ARHGAP20: variants seen among roughly 807,000 people sequenced by gnomAD.
ARHGAP20 encodes the protein Rho GTPase activating protein 20, also known as rho GTPase-activating protein 20.
ARHGAP20 carries 34 observed loss-of-function variants against 73.7 expected under a neutral mutation model. That is an observed-to-expected ratio of 0.46 (90% CI 0.35 to 0.61). ARHGAP20 has a LOEUF of 0.61. ARHGAP20 is among the 20% of genes least tolerant of loss of function. The pLI is 0.00. For synonymous variants in ARHGAP20, 523 were observed against 518.2 expected (o/e 1.01, Z -0.13); for missense variants, 1,314 against 1,420.9 (o/e 0.92, Z 1.21).
At chr11:110,661,061 C>T (rs1197046278) in intron 2 of ARHGAP20, among the ~76,000 whole-genome samples, 1 of 152,180 alleles carries the variant, frequency 6.6e-6, no homozygotes, top group African/African-American at 2.4e-5. Flanking sequence ...CATTGTCAAA[C>T]CAGTAGTTTC....
Position 110,582,384 on chromosome 11 carries a change from C to G in ARHGAP20, c.1657G>C (p.Glu553Gln). 1.2e-6 allele frequency: 2 copies of G among 1,614,004 alleles called. No homozygotes were observed. The highest frequency in any genetic ancestry group is 1.7e-6 in the Non-Finnish European group (2 of 1,179,878). The change falls in exon 14 of 15, where the codon GAA becomes CAA. Residue 553 changes from glutamate to glutamine, a missense_variant. By Grantham distance (29) the Glu-to-Gln change is conservative (BLOSUM62 2). Coordinates refer to ENST00000683387, the MANE Select transcript of ARHGAP20 (RefSeq NM_001384657.1). Reference protein sequence around the residue: ...LIENCLRIFGEEITSLFREVS... With the variant: ...LIENCLRIFGQEITSLFREVS... ...TCTCTGAAGAGGGAAGTGATTTCTT[C>G]TCCAAATATCCTAAGGCAATTCTCA...
At chr11:110,707,262 T>C (rs1214240792) in intron 1 of ARHGAP20, among the ~76,000 whole-genome samples, 2 of 152,312 alleles carry the variant, frequency 1.3e-5, no homozygotes, top group Non-Finnish European at 2.9e-5. Context: ...TATTTGAGTC[T>C]GATACAAATC....
chr11:110,700,021 A>G (rs557417641), intron 1 of ARHGAP20, among the ~76,000 whole-genome samples: 4 of 152,202 alleles, frequency 2.6e-5, no homozygotes, highest in African/African-American at 9.6e-5. Context: ...AAAAACCTGT[A>G]TGTAGGCTCT....
chr11:110,629,819 C>T (rs892655310), intron 3 of ARHGAP20, among the ~76,000 whole-genome samples: 2 of 152,198 alleles, frequency 1.3e-5, no homozygotes, highest in Non-Finnish European at 1.5e-5. Context: ...TCCAGGTGAG[C>T]TTTGAGATAA....
At chr11:110,687,796 T>C (rs1397241920) in intron 2 of ARHGAP20, among the ~76,000 whole-genome samples, 2 of 152,160 alleles carry the variant, frequency 1.3e-5, no homozygotes, top group East Asian at 3.9e-4. Context: ...AAGTACATGC[T>C]CAGACATGAT....
intron 13 of ARHGAP20, among the ~76,000 whole-genome samples, chr11:110,583,259 A>G (rs1172635148): frequency 6.6e-6 from 1 of 152,186 alleles, no homozygotes; most frequent in Non-Finnish European, 1.5e-5. Flanking sequence ...TAGCTGTCCT[A>G]GTTCCAAAGT....
chr11:110,625,014 T>A lies in ARHGAP20; in HGVS notation c.354-703A>T, dbSNP rs539670454. Among the ~76,000 whole-genome samples, 48 of 128,174 alleles carry A rather than the reference T, an allele frequency of 3.7e-4. No homozygotes were observed. The South Asian group carries it at 6.0e-3, about 16-fold the overall frequency. The allele number at this position is 128,174 out of a possible 152,430, so 84.1% of individuals were successfully genotyped here. A position where few individuals can be genotyped will look rare whatever the true frequency, so the allele number is the denominator to read the frequency against. Reference sequence around the variant, plus strand: ...ACAGAAAATACACAGGATTTATTTTTTTTTTATTTTTATTTTTATTTTTTT... The same window carrying A: ...ACAGAAAATACACAGGATTTATTTTATTTTTATTTTTATTTTTATTTTTTT... On this transcript the variant is annotated intron_variant, in intron 3 of 14. Coordinates refer to ENST00000683387, the MANE Select transcript of ARHGAP20 (RefSeq NM_001384657.1).
At chr11:110,672,533 C>T (rs1374555401) in intron 2 of ARHGAP20, among the ~76,000 whole-genome samples, 1 of 152,010 alleles carries the variant, frequency 6.6e-6, no homozygotes, top group African/African-American at 2.4e-5. Flanking sequence ...CAACCTCCGC[C>T]CCTCATGTTC....
Position 110,712,244 on chromosome 11 carries a change from C to A in ARHGAP20, c.-13G>T. 7.5e-7 allele frequency: 1 copy of A among 1,332,012 alleles called. No homozygotes were observed. Among genetic ancestry groups the A allele is most frequent in the Non-Finnish European group, 9.7e-7 (1 of 1,032,412 alleles). 82.5% of individuals were successfully genotyped at this position (1,332,012 alleles called of 1,614,324 possible). ...ACATCGCTTCCATGAAGAAAATCTT[C>A]AAACAAATCCCAGCCCAGGAGGAGG... On this transcript the variant is annotated 5_prime_UTR_variant, in exon 1 of 15. Coordinates refer to ENST00000683387, the MANE Select transcript of ARHGAP20 (RefSeq NM_001384657.1).
chr11:110,671,925 T>C (rs1949836405), intron 2 of ARHGAP20, among the ~76,000 whole-genome samples: 1 of 152,156 alleles, frequency 6.6e-6, no homozygotes, highest in Non-Finnish European at 1.5e-5. Flanking sequence ...AAATTGTATT[T>C]CAATCAATTT....
At chr11:110,611,416 T>G in intron 6 of ARHGAP20, 30 bp from the exon 7 acceptor site, 1 of 1,139,630 alleles carries the variant, frequency 8.8e-7, no homozygotes, top group Non-Finnish European at 1.2e-6. Flanking sequence ...AATATAGCTA[T>G]AAAATAATGA....
At chr11:110,680,849 T>A (rs1158582940) in intron 2 of ARHGAP20, among the ~76,000 whole-genome samples, 1 of 152,192 alleles carries the variant, frequency 6.6e-6, no homozygotes, top group Admixed American at 6.5e-5. Context: ...AAGCAATATA[T>A]GGGCCTGGAA....
Position 110,615,573 on chromosome 11 carries a change from T to C in ARHGAP20, c.525A>G (p.Lys175=), listed in dbSNP as rs1948465471. 1.2e-6 allele frequency: 2 copies of C among 1,612,418 alleles called. No individual in the cohort carries two copies. Among genetic ancestry groups the C allele is most frequent in the Non-Finnish European group, 8.5e-7 (1 of 1,179,440 alleles). Residue 175 remains lysine, a synonymous_variant, in exon 5 of 15, where the codon AAA becomes AAG. Coordinates refer to ENST00000683387, the MANE Select transcript of ARHGAP20 (RefSeq NM_001384657.1). ...AATACCTCTGAAGGAGAGAGAGCCA[T>C]TTGTCCTTTTGTTCTGGAGAACTGC... ...ATFSSPEQKD[K]WLSLLQRYIN...
intron 4 of ARHGAP20, among the ~76,000 whole-genome samples, chr11:110,621,474 A>G (rs1377764285): frequency 6.6e-6 from 1 of 151,622 alleles, no homozygotes; most frequent in Non-Finnish European, 1.5e-5. Flanking sequence ...TGTTCCTCAG[A>G]TTACACAATT....
At chr11:110,687,252 A>G (rs1950155826) in intron 2 of ARHGAP20, among the ~76,000 whole-genome samples, 2 of 151,412 alleles carry the variant, frequency 1.3e-5, no homozygotes, top group South Asian at 4.2e-4. Flanking sequence ...TTTTTTATAG[A>G]GACAGGGTCT....
intron 3 of ARHGAP20, among the ~76,000 whole-genome samples, chr11:110,629,929 T>C (rs1948825338): frequency 6.6e-6 from 1 of 152,146 alleles, no homozygotes; most frequent in Non-Finnish European, 1.5e-5. Flanking sequence ...AGAAACTGCA[T>C]GAGATATTTA....
At chr11:110,691,135 C>T (rs1950234559) in intron 1 of ARHGAP20, 3 of 567,292 alleles carry the variant, frequency 5.3e-6, no homozygotes, top group Admixed American at 3.8e-5. Context: ...TTGGGAATCC[C>T]TTCTTCCAAA....
chr11:110,690,262 A>G (rs1217364032), intron 2 of ARHGAP20, among the ~76,000 whole-genome samples: 2 of 152,158 alleles, frequency 1.3e-5, no homozygotes, highest in East Asian at 1.9e-4. Context: ...CAGTATTTTG[A>G]TTTCTATTTT....
rs1591203822 is a variant in ARHGAP20 at position 110,712,389 on chromosome 11, G to A, written c.-158C>T. 5 of 442,910 alleles carry A rather than the reference G, an allele frequency of 1.1e-5. No individual in the cohort carries two copies. The highest frequency in any genetic ancestry group is 1.8e-5 in the Non-Finnish European group (5 of 273,372). The allele number at this position is 442,910 out of a possible 1,614,324, so 27.4% of individuals were successfully genotyped here. ...GTGCTCGCCGCGCGCCTCCCGTCGG[G>A]GCCATGTACCTCCGCCTGCGCTCGA... On this transcript the variant is annotated 5_prime_UTR_variant, in exon 1 of 15. Coordinates refer to ENST00000683387, the MANE Select transcript of ARHGAP20 (RefSeq NM_001384657.1).
Sources: allele counts gnomAD v4.1 joint callset (sites outside exome capture counted in the v4.1 genomes callset), GRCh38; gene constraint gnomAD v4.1.1; transcripts MANE v1.5; gene names NCBI Gene and HGNC (gene_info 2026-07-23, HGNC 2026-07-21).